The following LMLN variants were observed in gnomAD, a reference collection of about 807,000 sequenced individuals.
The protein encoded by LMLN is leishmanolysin-like peptidase.
A neutral mutation model predicts 92.3 loss-of-function variants in LMLN; 70 were observed. That is an observed-to-expected ratio of 0.76 (90% CI 0.63 to 0.92). The LOEUF (loss-of-function observed/expected upper bound fraction) is 0.92, where lower values mean the gene tolerates loss of function less well. LMLN is among the 40% of genes least tolerant of loss of function. The pLI, the probability that LMLN is intolerant of heterozygous loss-of-function variation, is 0.00. For synonymous variants in LMLN, 308 were observed against 296.2 expected (o/e 1.04, Z -0.41); for missense variants, 691 against 814.6 (o/e 0.85, Z 1.85).
intron 9 of LMLN, among the ~76,000 whole-genome samples, chr3:197,993,194 T>G (rs1721924019): frequency 6.6e-6 from 1 of 152,102 alleles, no homozygotes; most frequent in African/African-American, 2.4e-5. Flanking sequence ...TAGTGAAAAA[T>G]GGAAAGCCTT....
intron 15 of LMLN, among the ~76,000 whole-genome samples, chr3:198,037,844 A>C (rs1258121007): frequency 6.6e-6 from 1 of 152,324 alleles, no homozygotes; most frequent in East Asian, 1.9e-4. Context: ...TGCTGTTTCA[A>C]AATCAAGTCT....
chr3:197,971,638 G>A (rs1427022123), intron 1 of LMLN, among the ~76,000 whole-genome samples: 2 of 152,184 alleles, frequency 1.3e-5, no homozygotes, highest in African/African-American at 2.4e-5. Flanking sequence ...AGGCTGGAGT[G>A]CAGTGGCACG....
intron 10 of LMLN, chr3:197,996,649 A>C (rs1019518290): frequency 8.4e-5 from 13 of 155,288 alleles, no homozygotes; most frequent in African/African-American, 3.1e-4. Flanking sequence ...ACTTGTGGGA[A>C]AAACAAGTAA....
chr3:198,018,644 A>C (rs1318039453), intron 11 of LMLN, among the ~76,000 whole-genome samples: 1 of 152,246 alleles, frequency 6.6e-6, no homozygotes, highest in Admixed American at 6.5e-5. Flanking sequence ...GAAATATTTA[A>C]TACAGGCTTT....
chr3:198,009,126 G>A (rs564877217), intron 11 of LMLN, among the ~76,000 whole-genome samples: 143 of 152,208 alleles, frequency 9.4e-4, no homozygotes, highest in African/African-American at 3.4e-3. Context: ...GGTTGAAGTA[G>A]TCTGTAGAGT....
chr3:198,002,453 A>G (rs1415558638), intron 11 of LMLN, among the ~76,000 whole-genome samples: 1 of 152,246 alleles, frequency 6.6e-6, no homozygotes, highest in South Asian at 2.1e-4. Flanking sequence ...ACTAATGGAC[A>G]TAGGCTGGGC....
chr3:197,985,873 C>T lies in LMLN; in HGVS notation c.912C>T (p.Leu304=), dbSNP rs1292588929. Reference sequence around the variant, plus strand: ...TCACTTCAAGATTTGCAGATGGCCTCCCACCTTTTAATTATAGGTATTTTT... The same window carrying T: ...TCACTTCAAGATTTGCAGATGGCCTTCCACCTTTTAATTATAGGTATTTTT... Residue 304 remains leucine (L), a synonymous_variant, in exon 8 of 16, where the codon CTC becomes CTT. Transcript: ENST00000330198. 7 of 1,607,890 alleles carry T rather than the reference C, an allele frequency of 4.4e-6. No homozygotes were observed. The East Asian group carries it at 6.7e-5, about 15-fold the overall frequency.
chr3:197,968,271 C>T (rs577187625), intron 1 of LMLN, among the ~76,000 whole-genome samples: 81 of 151,944 alleles, frequency 5.3e-4, no homozygotes, highest in Non-Finnish European at 9.9e-4. Flanking sequence ...TCGAAACCAT[C>T]CTGGCTAACA....
chr3:198,015,473 T>C lies in LMLN; in HGVS notation c.1233-3780T>C, dbSNP rs549024923. Among the ~76,000 whole-genome samples, 823 of 98,722 alleles carry C rather than the reference T, an allele frequency of 8.3e-3. 15 individuals are homozygous for C. Among genetic ancestry groups the C allele is most frequent in the African/African-American group, 0.03 (743 of 24,374 alleles). The allele number at this position is 98,722 out of a possible 152,430, so 64.8% of individuals were successfully genotyped here. A position where few individuals can be genotyped will look rare whatever the true frequency, so the allele number is the denominator to read the frequency against. Reference sequence around the variant, plus strand: ...TCTGACTTCTCTCCACCCTTCAGAGTCCCCTAACTAGTCTGACTTCTCTCC... The same window carrying C: ...TCTGACTTCTCTCCACCCTTCAGAGCCCCCTAACTAGTCTGACTTCTCTCC... On this transcript the variant is annotated intron_variant, in intron 11 of 15. Coordinates refer to ENST00000330198, the Ensembl canonical transcript of LMLN.
At chr3:198,032,327 A>T (rs1289462318) in intron 14 of LMLN, among the ~76,000 whole-genome samples, 1 of 152,072 alleles carries the variant, frequency 6.6e-6, no homozygotes, top group African/African-American at 2.4e-5. Flanking sequence ...GAATGCTTTA[A>T]CCTGTAAACT....
Sources: gnomAD v4.1 joint callset for allele counts (sites outside exome capture counted in the v4.1 genomes callset) on GRCh38, gnomAD v4.1.1 for gene constraint, MANE v1.5 for transcripts, NCBI Gene and HGNC (gene_info 2026-07-23, HGNC 2026-07-21) for gene names.